The following DSG3 variants were observed in gnomAD, a reference collection of about 807,000 sequenced individuals.
DSG3 encodes the protein desmoglein 3.
Under a neutral mutation model 85.9 loss-of-function variants are expected in DSG3, and 63 were observed. The ratio of observed to expected loss-of-function variants is 0.73; its 90% confidence interval spans 0.60 to 0.90. The LOEUF (loss-of-function observed/expected upper bound fraction) is 0.90. Among genes scored for constraint, DSG3 ranks in the 40% least tolerant of loss-of-function variants. DSG3 has a pLI of 0.00. For synonymous variants in DSG3, 447 were observed against 441.9 expected (o/e 1.01, Z -0.14); for missense variants, 1,220 against 1,219.9 (o/e 1.00, Z 0.00).
In DSG3 at chr18:31,474,199, C is replaced by A. The variant is rs752968615; in HGVS notation, c.2180C>A (p.Ala727Glu). 3.1e-6 allele frequency: 5 copies of A among 1,614,206 alleles called. No homozygotes were observed. In the South Asian group the frequency reaches 5.5e-5, roughly 18 times the overall value. ...SGMEMTTKLGAATESGGAAGF... is the reference protein window; with the variant it reads ...SGMEMTTKLGEATESGGAAGF... ...ATGGAAATGACCACTAAGCTTGGAGCAGCCACTGAATCTGGAGGTGCTGCA... is the reference window on the plus strand; with the variant it reads ...ATGGAAATGACCACTAAGCTTGGAGAAGCCACTGAATCTGGAGGTGCTGCA... The change falls in exon 15 of 16, where the codon GCA becomes GAA. Residue 727 changes from alanine to glutamate, a missense_variant. Transcript: ENST00000257189.
intron 1 of DSG3, among the ~76,000 whole-genome samples, chr18:31,451,909 T>C (rs960580110): frequency 7.2e-5 from 11 of 152,346 alleles, no homozygotes; most frequent in Non-Finnish European, 1.3e-4. Context: ...GGTGAGGCCT[T>C]GCTTTGGGTA....
Position 31,456,653 on chromosome 18 carries a change from A to G in DSG3, c.84+178A>G, listed in dbSNP as rs543982821. ...CAATATTTTAAAACTAGTCATCCAT[A>G]AATGTCATTATTATAATTTATTTCA... On this transcript the variant is annotated intron_variant, in intron 2 of 15. Transcript: ENST00000257189. 2.0e-5 allele frequency among the ~76,000 whole-genome samples: 3 copies of G among 152,188 alleles called. No individual in the cohort carries two copies. The South Asian group carries it at 6.2e-4, about 32-fold the overall frequency.
intron 1 of DSG3, among the ~76,000 whole-genome samples, chr18:31,450,684 C>T (rs1375612699): frequency 6.6e-6 from 1 of 152,182 alleles, no homozygotes; most frequent in Admixed American, 6.5e-5. Flanking sequence ...ATGCCACTGA[C>T]TCACTACAGG....
At chr18:31,454,984 G>A (rs2072733227) in intron 1 of DSG3, among the ~76,000 whole-genome samples, 1 of 144,420 alleles carries the variant, frequency 6.9e-6, no homozygotes, top group African/African-American at 2.6e-5. Flanking sequence ...GGCAAAAATT[G>A]CACTCCAGCC....
chr18:31,465,387 CA>C lies in DSG3; in HGVS notation c.1346del (p.Asn449IlefsTer2). 1 of 1,545,226 alleles carries C rather than the reference CA, an allele frequency of 6.5e-7. No homozygotes were observed. Among genetic ancestry groups the C allele is most frequent in the East Asian group, 2.4e-5 (1 of 41,528 alleles). ...DSKTAEIKFV[K>X]NMNRDSTFIV... ...CAAAAACTGCTGAAATCAAATTTGT[CA>C]AAAATATGAACCGAGATTCTACTTT... On this transcript the variant is annotated frameshift_variant, in exon 10 of 16. Coordinates refer to ENST00000257189, the MANE Select transcript of DSG3 (RefSeq NM_001944.3). LOFTEE classifies it high-confidence loss of function.
intron 3 of DSG3, among the ~76,000 whole-genome samples, 169 bp from the exon 4 acceptor site, chr18:31,458,276 G>T (rs1050154721): frequency 6.6e-6 from 1 of 152,150 alleles, no homozygotes; most frequent in Non-Finnish European, 1.5e-5. Context: ...AAAAACAACG[G>T]TTTGATTTTA....
intron 1 of DSG3, among the ~76,000 whole-genome samples, chr18:31,454,626 A>C (rs2072730491): frequency 6.6e-6 from 1 of 152,116 alleles, no homozygotes. Flanking sequence ...TTTGCCAAAT[A>C]GAAATCTAAA....
In DSG3 at chr18:31,474,368, G is replaced by C; in HGVS notation, c.2349G>C (p.Ala783=). 6.2e-7 allele frequency: 1 copy of C among 1,610,094 alleles called. No individual in the cohort carries two copies. The highest frequency in any genetic ancestry group is 8.5e-7 in the Non-Finnish European group (1 of 1,177,562). ...CCAATAAGGACTACGCTGATGGGGCGATAAGCATGAATTTTCTGGACTCCT... is the reference window on the plus strand; with the variant it reads ...CCAATAAGGACTACGCTGATGGGGCCATAAGCATGAATTTTCTGGACTCCT... ...GGTNKDYADG[A]ISMNFLDSYF... Residue 783 remains alanine, a synonymous_variant, in exon 15 of 16, where the codon GCG becomes GCC. Coordinates refer to ENST00000257189, the MANE Select transcript of DSG3 (RefSeq NM_001944.3).
chr18:31,447,961 C>G, intron 1 of DSG3, 36 bp downstream of exon 1: 1 of 1,477,702 alleles, frequency 6.8e-7, no homozygotes, highest in Non-Finnish European at 9.1e-7. Flanking sequence ...CACAAACTTC[C>G]CTGCTTCCTC....
At position 31,472,698 on chromosome 18, in the gene DSG3, T is replaced by C. The variant is rs754139257; in HGVS notation, c.2038-27T>C. 8.1e-6 allele frequency: 13 copies of C among 1,611,942 alleles called. No homozygotes were observed. In the Admixed American group the frequency reaches 2.2e-4, roughly 27 times the overall value. Reference sequence around the variant, plus strand: ...CTCTGAAATCTGGTTCACTTTTAAATGAATTTATTTTTCACATGGTTTGCA... The same window carrying C: ...CTCTGAAATCTGGTTCACTTTTAAACGAATTTATTTTTCACATGGTTTGCA... On this transcript the variant is annotated intron_variant, in intron 13 of 15. Coordinates refer to ENST00000257189, the MANE Select transcript of DSG3 (RefSeq NM_001944.3).
chr18:31,463,570 G>A (rs2072798852), intron 8 of DSG3, among the ~76,000 whole-genome samples: 1 of 152,138 alleles, frequency 6.6e-6, no homozygotes, highest in South Asian at 2.1e-4. Flanking sequence ...CAAAGAGTTT[G>A]CCTTTCCCAC....
chr18:31,466,396 C>G, intron 10 of DSG3, 134 bp from the exon 11 acceptor site: 1 of 737,334 alleles, frequency 1.4e-6, no homozygotes, highest in Non-Finnish European at 2.2e-6. Flanking sequence ...ACTATTTTTA[C>G]TTCTGAGGAT....
chr18:31,474,023 T>C (rs1015739169), intron 14 of DSG3, 98 bp from the exon 15 acceptor site: 1 of 1,179,818 alleles, frequency 8.5e-7, no homozygotes. Context: ...CACTTACTTG[T>C]TTGCATGGTG....
intron 1 of DSG3, among the ~76,000 whole-genome samples, chr18:31,454,404 A>G (rs1256459441): frequency 6.6e-6 from 1 of 152,224 alleles, no homozygotes; most frequent in Non-Finnish European, 1.5e-5. Context: ...TAATTTTGAG[A>G]CATGTTATAA....
intron 12 of DSG3, among the ~76,000 whole-genome samples, chr18:31,471,759 G>C (rs1232710749): frequency 6.6e-6 from 1 of 152,104 alleles, no homozygotes; most frequent in Admixed American, 6.6e-5. Flanking sequence ...AGAATGCATT[G>C]ACAGCCATTG....
At chr18:31,466,083 G>C (rs182253156) in intron 10 of DSG3, among the ~76,000 whole-genome samples, 2 of 151,934 alleles carry the variant, frequency 1.3e-5, no homozygotes, top group African/African-American at 4.8e-5. Flanking sequence ...TTTATTTTCA[G>C]CATTTAAAAT....
At chr18:31,466,472 C>T in intron 10 of DSG3, 58 bp from the exon 11 acceptor site, 1 of 1,492,264 alleles carries the variant, frequency 6.7e-7, no homozygotes, top group Non-Finnish European at 9.3e-7. Context: ...AAAGATTCTC[C>T]TTTTTTGTAC....
Position 31,475,707 on chromosome 18 carries a change from A to G in DSG3, c.2447A>G (p.Tyr816Cys), listed in dbSNP as rs1598789087. ...GQEANDCLLI[Y>C]DNEGADATGS... ...GAAGCAAATGACTGCTTGTTGATCT[A>G]TGATAATGAAGGCGCAGATGCCACT... Residue 816 changes from tyrosine (Y) to cysteine (C), a missense_variant, in exon 16 of 16, where the codon TAT (tyrosine) becomes TGT (cysteine). Tyr to Cys is a radical substitution (Grantham distance 194). Coordinates refer to ENST00000257189, the MANE Select transcript of DSG3 (RefSeq NM_001944.3). 2 of 1,614,184 alleles carry G rather than the reference A, an allele frequency of 1.2e-6. No homozygotes were observed. The highest frequency in any genetic ancestry group is 2.2e-5 in the East Asian group (1 of 44,888).
intron 7 of DSG3, 67 bp from the exon 8 acceptor site, chr18:31,461,160 G>C: frequency 7.3e-7 from 1 of 1,376,466 alleles, no homozygotes; most frequent in East Asian, 2.4e-5. Context: ...TTACCATTTA[G>C]AAGAAACATA....
Sources: allele counts gnomAD v4.1 joint callset (sites outside exome capture counted in the v4.1 genomes callset), GRCh38; gene constraint gnomAD v4.1.1; transcripts MANE v1.5; gene names NCBI Gene and HGNC (gene_info 2026-07-23, HGNC 2026-07-21).